AP5Z1: variants seen among roughly 807,000 people sequenced by gnomAD.
AP5Z1 encodes the protein AP-5 complex subunit zeta-1.
AP5Z1 carries 106 observed loss-of-function variants against 83.0 expected under a neutral mutation model. That is an observed-to-expected ratio of 1.28 (90% confidence interval 1.09 to 1.50). The LOEUF (loss-of-function observed/expected upper bound fraction) is 1.50, where lower values mean the gene tolerates loss of function less well. Among genes scored for constraint, AP5Z1 ranks in the 40% most tolerant of loss-of-function variants. The probability of loss-of-function intolerance (pLI) is 0.00; values close to 1 mark genes in which losing one functional copy is unlikely to be tolerated. For synonymous variants in AP5Z1, 751 were observed against 514.1 expected, an observed-to-expected ratio of 1.46 and a Z score of -6.23; for missense variants, 1,565 against 1,094.2, an observed-to-expected ratio of 1.43 and a Z score of -6.07.
chr7:4,785,609 C>G lies in AP5Z1; in HGVS notation c.1057C>G (p.Leu353Val), dbSNP rs1258180928. ...LYRSLSCLKA[L>V]HGRVRGDPAS... ...CCGAAGTCTCTCCTGCCTGAAGGCC[C>G]TGCACGGGCGGGTGCGCGGGGACCC... is the stretch of plus-strand genomic sequence containing the variant. Residue 353 changes from leucine to valine, a missense_variant, in exon 9 of 17, where the codon CTG becomes GTG. Leu to Val is a conservative substitution (Grantham distance 32). Coordinates refer to ENST00000649063, the MANE Select transcript of AP5Z1 (RefSeq NM_014855.3). The G allele has an allele frequency of 1.0e-5, 16 of 1,590,512 alleles. No homozygotes were observed. The highest frequency in any genetic ancestry group is 1.4e-5 in the Non-Finnish European group (16 of 1,170,970).
intron 11 of AP5Z1, 117 bp downstream of exon 11, chr7:4,787,893 A>C (rs1011120859): frequency 7.0e-6 from 9 of 1,284,108 alleles, no homozygotes; most frequent in Non-Finnish European, 9.4e-6. Context: ...TCCCCCCCCA[A>C]CACCTGACCA....
At chr7:4,782,571 G>A (rs1583229205) in intron 3 of AP5Z1, among the ~76,000 whole-genome samples, 1 of 152,090 alleles carries the variant, frequency 6.6e-6, no homozygotes, top group East Asian at 1.9e-4. Flanking sequence ...CTGTGTGGGC[G>A]AGAGCTTGTG....
At position 4,775,807 on chromosome 7, in the gene AP5Z1, G is replaced by T. The variant is rs1329833494; in HGVS notation, c.41+51G>T. ...CTCCTTCCTGCATCTCTCCCTAGGG[G>T]CACACGGGGGTGGGTCTCACAGGGC... On this transcript the variant is annotated intron_variant, in intron 1 of 16. Coordinates refer to ENST00000649063, the MANE Select transcript of AP5Z1 (RefSeq NM_014855.3). 7 of 1,589,752 alleles carry T rather than the reference G, an allele frequency of 4.4e-6. No homozygotes were observed. In the Admixed American group the frequency reaches 1.2e-4, roughly 27 times the overall value.
chr7:4,783,536 G>T, intron 4 of AP5Z1, 76 bp downstream of exon 4: 1 of 1,574,326 alleles, frequency 6.4e-7, no homozygotes, highest in Non-Finnish European at 8.7e-7. Context: ...ATGGTGGGTT[G>T]GGAGTGTGGG....
intron 3 of AP5Z1, among the ~76,000 whole-genome samples, 183 bp downstream of exon 3, chr7:4,781,937 C>T (rs1015425987): frequency 2.0e-5 from 3 of 152,232 alleles, no homozygotes; most frequent in African/African-American, 4.8e-5. Context: ...GTCCCATGCC[C>T]AGCAGGCCCA....
At chr7:4,778,770 A>G (rs1225311636) in intron 1 of AP5Z1, among the ~76,000 whole-genome samples, 2 of 146,762 alleles carry the variant, frequency 1.4e-5, no homozygotes, top group Non-Finnish European at 3.0e-5. Flanking sequence ...TATATATTAC[A>G]TATATATTTA....
intron 5 of AP5Z1, 86 bp from the exon 6 acceptor site, chr7:4,784,117 T>C (rs754720318): frequency 2.8e-6 from 4 of 1,448,576 alleles, no homozygotes; most frequent in Non-Finnish European, 3.7e-6. Context: ...CAGCTTCTCC[T>C]CCACCTCCTG....
In AP5Z1 at chr7:4,785,535, CCGTGCTGGTGCTGGA is replaced by C. The variant is rs1298794135; in HGVS notation, c.991_1005del (p.Val331_Leu335del). The C allele has an allele frequency of 1.2e-6, 2 of 1,612,872 alleles. No homozygotes were observed. Among genetic ancestry groups the C allele is most frequent in the East Asian group, 2.2e-5 (1 of 44,878 alleles). On this transcript the variant is annotated inframe_deletion, in exon 9 of 17. Transcript: ENST00000649063. ...CATGTCCCGCAGTGCCTGGTGGAGGCCGTGCTGGTGCTGGACGTGCTGTGCCGGCAGGACCCGTCC... is the reference window on the plus strand; with the variant it reads ...CATGTCCCGCAGTGCCTGGTGGAGGCCGTGCTGTGCCGGCAGGACCCGTCC...
At chr7:4,783,919 C>A in intron 5 of AP5Z1, 121 bp downstream of exon 5, 3 of 1,124,162 alleles carry the variant, frequency 2.7e-6, no homozygotes, top group South Asian at 1.6e-5. Context: ...GACGAGCCTG[C>A]CTCTGCTGCG....
At chr7:4,779,586 C>G (rs1377450330) in intron 1 of AP5Z1, among the ~76,000 whole-genome samples, 2 of 151,702 alleles carry the variant, frequency 1.3e-5, no homozygotes, top group East Asian at 3.9e-4. Context: ...GTTCTCCCAC[C>G]TCAGCCTTTC....
intron 14 of AP5Z1, chr7:4,790,255 G>C: frequency 6.5e-7 from 1 of 1,545,824 alleles, no homozygotes. Context: ...CTCTGAGCCT[G>C]GGCCTGAGGC....
intron 1 of AP5Z1, among the ~76,000 whole-genome samples, chr7:4,777,386 T>TTTAC (rs1781256716): frequency 6.6e-6 from 1 of 151,324 alleles, no homozygotes; most frequent in Non-Finnish European, 1.5e-5. Flanking sequence ...TATTTATTTA[T>TTTAC]TTTTATTAGA....
In AP5Z1 at chr7:4,784,343, C is replaced by T. The variant is rs757440325; in HGVS notation, c.762C>T (p.Gly254=). 5 of 1,597,890 alleles carry T rather than the reference C, an allele frequency of 3.1e-6. No homozygotes were observed. In the African/African-American group the frequency reaches 5.4e-5, roughly 17 times the overall value. ...TGCGGGCGTGGCTGCTGCACAGCGG[C>T]CCCGAGGGCCCGGGCACCCTGGACA... is the stretch of plus-strand genomic sequence containing the variant. ...SMLRAWLLHS[G]PEGPGTLDTD... is the part of the protein sequence containing the mutation. Residue 254 remains glycine (G), a synonymous_variant, in exon 6 of 17, where the codon GGC becomes GGT. Coordinates refer to ENST00000649063, the MANE Select transcript of AP5Z1 (RefSeq NM_014855.3).
chr7:4,787,564 G>A (rs542144004), intron 10 of AP5Z1, 70 bp from the exon 11 acceptor site: 10 of 1,511,462 alleles, frequency 6.6e-6, no homozygotes, highest in Admixed American at 2.0e-5. Flanking sequence ...TGGGGCCCTA[G>A]CTGGCTCCTC....
At chr7:4,786,104 C>A in intron 9 of AP5Z1, 146 bp from the exon 10 acceptor site, 1 of 763,544 alleles carries the variant, frequency 1.3e-6, no homozygotes, top group Middle Eastern at 3.9e-4. Flanking sequence ...AGACCAAGTG[C>A]CGCTTCCCCA....
rs1302419061 is a variant in AP5Z1 at position 4,783,898 on chromosome 7, G to T, written c.621+100G>T. On this transcript the variant is annotated intron_variant, in intron 5 of 16. Transcript: ENST00000649063. ...CAGCGGCGAGGCCTGCTGTCGTTCC[G>T]CGGGGTCCAGGACGAGCCTGCCTCT... is the stretch of plus-strand genomic sequence containing the variant. 6.2e-6 allele frequency: 8 copies of T among 1,285,482 alleles called. No homozygotes were observed. The Admixed American group carries it at 1.7e-4, about 28-fold the overall frequency. The allele number at this position is 1,285,482 out of a possible 1,614,324, so 79.6% of individuals were successfully genotyped here. A position where few individuals can be genotyped will look rare whatever the true frequency, so the allele number is the denominator to read the frequency against.
chr7:4,778,860 T>C (rs1781293730), intron 1 of AP5Z1, among the ~76,000 whole-genome samples: 1 of 145,124 alleles, frequency 6.9e-6, no homozygotes, highest in Non-Finnish European at 1.5e-5. Context: ...TGATATATAA[T>C]ATTTTATATA....
In AP5Z1 at chr7:4,775,762, G is replaced by T. The variant is rs1781207862; in HGVS notation, c.41+6G>T. ...AGTTTGCTCCACCAGGCCAGGTACG[G>T]GGGAGCTGCGGCCCCGGCCCTCCTT... On this transcript the variant is annotated splice_donor_region_variant and intron_variant, in intron 1 of 16. Coordinates refer to ENST00000649063, the MANE Select transcript of AP5Z1 (RefSeq NM_014855.3). 1.9e-6 allele frequency: 3 copies of T among 1,603,380 alleles called. No individual in the cohort carries two copies. The highest frequency in any genetic ancestry group is 1.8e-4 in the Middle Eastern group (1 of 5,528).
chr7:4,791,271 C>T lies in AP5Z1; in HGVS notation c.2310C>T (p.Pro770=). 1.2e-6 allele frequency: 2 copies of T among 1,612,720 alleles called. No individual in the cohort carries two copies. Among genetic ancestry groups the T allele is most frequent in the South Asian group, 1.1e-5 (1 of 91,076 alleles). Residue 770 remains proline (P), a synonymous_variant, in exon 17 of 17, where the codon CCC becomes CCT. Coordinates refer to ENST00000649063, the MANE Select transcript of AP5Z1 (RefSeq NM_014855.3). ...GCGTGGCCCAGTTTGTGCTCACACC[C>T]AGCACGGAGGTGTGCAGCCCCCGCT... ...MPSVAQFVLT[P]STEVCSPRYH...
Sources: allele counts gnomAD v4.1 joint callset (sites outside exome capture counted in the v4.1 genomes callset), GRCh38; gene constraint gnomAD v4.1.1; transcripts MANE v1.5; gene names NCBI Gene and HGNC (gene_info 2026-07-23, HGNC 2026-07-21).